CABCOCO1: variants seen among roughly 807,000 people sequenced by gnomAD.
CABCOCO1 encodes the protein ciliary associated calcium binding coiled-coil 1, also known as ciliary-associated calcium-binding coiled-coil protein 1.
Under a neutral mutation model 35.7 loss-of-function variants are expected in CABCOCO1, and 28 were observed. That is an observed-to-expected ratio of 0.78 (90% confidence interval 0.58 to 1.07). The LOEUF (loss-of-function observed/expected upper bound fraction) is 1.07, where lower values mean the gene tolerates loss of function less well. Among genes scored for constraint, CABCOCO1 ranks in the 50% least tolerant of loss-of-function variants. The pLI is 0.00. For synonymous variants in CABCOCO1, 95 were observed against 100.1 expected (o/e 0.95, Z 0.30); for missense variants, 326 against 309.2 (o/e 1.05, Z -0.41).
intron 5 of CABCOCO1, among the ~76,000 whole-genome samples, chr10:61,714,162 C>A (rs1008997144): frequency 5.3e-5 from 8 of 152,138 alleles, no homozygotes; most frequent in African/African-American, 1.7e-4. Flanking sequence ...GGTTGGTAGG[C>A]TACTAATTAT....
chr10:61,679,926 A>C (rs1287806576), intron 2 of CABCOCO1, among the ~76,000 whole-genome samples: 1 of 152,186 alleles, frequency 6.6e-6, no homozygotes, highest in Non-Finnish European at 1.5e-5. Context: ...AAATGAAAAG[A>C]AAATAGACTT....
At chr10:61,705,312 C>T (rs1840567720) in intron 5 of CABCOCO1, among the ~76,000 whole-genome samples, 1 of 152,192 alleles carries the variant, frequency 6.6e-6, no homozygotes, top group Non-Finnish European at 1.5e-5. Context: ...AGGAACAATT[C>T]TGGGTTGAAG....
intron 3 of CABCOCO1, among the ~76,000 whole-genome samples, chr10:61,683,187 G>A (rs1035382414): frequency 2.0e-5 from 3 of 152,000 alleles, no homozygotes; most frequent in Admixed American, 1.3e-4. Context: ...CACTGTGCCC[G>A]GCCATGAATT....
intron 1 of CABCOCO1, among the ~76,000 whole-genome samples, chr10:61,667,067 A>G (rs1839205095): frequency 7.0e-6 from 1 of 142,548 alleles, no homozygotes. Flanking sequence ...ATATATAAAT[A>G]TAAGTATATA....
intron 2 of CABCOCO1, among the ~76,000 whole-genome samples, chr10:61,680,731 AT>A (rs1564532946): frequency 6.6e-5 from 7 of 105,850 alleles, no homozygotes; most frequent in Admixed American, 1.1e-4. Context: ...TATATTATAT[AT>A]ATAATATATA....
At chr10:61,761,604 T>C (rs1047462018) in intron 7 of CABCOCO1, among the ~76,000 whole-genome samples, 4 of 152,090 alleles carry the variant, frequency 2.6e-5, no homozygotes, top group African/African-American at 9.7e-5. Flanking sequence ...CTACCTCAAC[T>C]CAAAGACTTA....
At chr10:61,707,425 G>A (rs1303561974) in intron 5 of CABCOCO1, among the ~76,000 whole-genome samples, 1 of 152,112 alleles carries the variant, frequency 6.6e-6, no homozygotes, top group Non-Finnish European at 1.5e-5. Context: ...ATAGTTCAGG[G>A]AGATGAAATA....
Position 61,677,068 on chromosome 10 carries a change from A to T in CABCOCO1, c.165-4075A>T, listed in dbSNP as rs12768350. ...AAAAAGAGTGAGACTCTGTCTCAAA[A>T]AATAATAATAATAATAATAATAATA... On this transcript the variant is annotated intron_variant, in intron 2 of 7. Transcript: ENST00000648843. 1.8e-3 allele frequency among the ~76,000 whole-genome samples: 263 copies of T among 144,328 alleles called. 1 individual carries two copies. Among genetic ancestry groups the T allele is most frequent in the African/African-American group, 5.5e-3 (219 of 39,702 alleles). The allele number at this position is 144,328 out of a possible 152,430, so 94.7% of individuals were successfully genotyped here.
At chr10:61,746,998 A>C (rs6479773) in intron 5 of CABCOCO1, among the ~76,000 whole-genome samples, 61,257 of 151,992 alleles carry the variant, frequency 0.4, 14,454 homozygotes, top group Middle Eastern at 0.54. Flanking sequence ...TAGGTGATTA[A>C]ATCTGACAGA....
At chr10:61,698,336 G>T (rs532564225) in intron 5 of CABCOCO1, among the ~76,000 whole-genome samples, 2 of 152,218 alleles carry the variant, frequency 1.3e-5, no homozygotes, top group East Asian at 3.9e-4. Context: ...AGCTCCAGGG[G>T]CACCATTCAC....
chr10:61,725,870 G>C (rs556784911), intron 5 of CABCOCO1, among the ~76,000 whole-genome samples: 1 of 152,044 alleles, frequency 6.6e-6, no homozygotes, highest in South Asian at 2.1e-4. Context: ...GGATAATGTG[G>C]TTAGTTTTTA....
chr10:61,688,299 A>G (rs1372879935), intron 4 of CABCOCO1, among the ~76,000 whole-genome samples: 1 of 152,232 alleles, frequency 6.6e-6, no homozygotes, highest in African/African-American at 2.4e-5. Context: ...AAGTTTACCC[A>G]ACCACTAAAA....
chr10:61,688,283 G>A (rs967842322), intron 4 of CABCOCO1, among the ~76,000 whole-genome samples: 6 of 152,090 alleles, frequency 3.9e-5, no homozygotes, highest in East Asian at 1.9e-4. Context: ...AATTTAACCC[G>A]ATATTAAGTT....
chr10:61,683,423 T>C (rs773157355), intron 3 of CABCOCO1, among the ~76,000 whole-genome samples: 2 of 151,978 alleles, frequency 1.3e-5, no homozygotes, highest in African/African-American at 4.8e-5. Context: ...TAACTGGGTA[T>C]GGTGGCCCAC....
At chr10:61,730,217 T>C (rs1841270105) in intron 5 of CABCOCO1, among the ~76,000 whole-genome samples, 1 of 150,824 alleles carries the variant, frequency 6.6e-6, no homozygotes, top group African/African-American at 2.4e-5. Flanking sequence ...ACTTTGGGTT[T>C]GGGAAAGGAA....
At chr10:61,665,826 G>A (rs1839153933) in intron 1 of CABCOCO1, among the ~76,000 whole-genome samples, 1 of 150,714 alleles carries the variant, frequency 6.6e-6, no homozygotes, top group Non-Finnish European at 1.5e-5. Context: ...GGCGGAGCTT[G>A]CAGTGAGCCG....
At chr10:61,712,517 C>G (rs554116205) in intron 5 of CABCOCO1, among the ~76,000 whole-genome samples, 20 of 152,234 alleles carry the variant, frequency 1.3e-4, no homozygotes, top group African/African-American at 3.9e-4. Context: ...AATTAGATCC[C>G]ATTTGTCTAT....
intron 5 of CABCOCO1, among the ~76,000 whole-genome samples, chr10:61,702,317 G>C (rs1840479352): frequency 6.6e-6 from 1 of 151,992 alleles, no homozygotes; most frequent in Non-Finnish European, 1.5e-5. Context: ...TCTTCCCATG[G>C]GTATATTTCC....
chr10:61,703,487 C>A (rs1840514831), intron 5 of CABCOCO1, among the ~76,000 whole-genome samples: 1 of 152,036 alleles, frequency 6.6e-6, no homozygotes, highest in Admixed American at 6.6e-5. Context: ...ATCTTTTCCT[C>A]AATAATAAGC....
Sources: allele counts gnomAD v4.1 joint callset (sites outside exome capture counted in the v4.1 genomes callset), GRCh38; gene constraint gnomAD v4.1.1; transcripts MANE v1.5; gene names NCBI Gene and HGNC (gene_info 2026-07-23, HGNC 2026-07-21).